Variants in CAVIN1 observed in about 807,000 individuals in gnomAD.
CAVIN1 encodes caveolae associated protein 1.
In CAVIN1, 16 loss-of-function variants were observed where a neutral mutation model predicts 24.0. The ratio of observed to expected loss-of-function variants is 0.67; its 90% CI spans 0.45 to 1.01. The LOEUF is 1.01. CAVIN1 is among the 50% of genes least tolerant of loss of function. CAVIN1 has a pLI of 0.00. For synonymous variants in CAVIN1, 256 were observed against 256.4 expected (o/e 1.00, Z 0.02); for missense variants, 510 against 551.7 (o/e 0.92, Z 0.76).
At chr17:42,417,279 C>T (rs1389429995) in intron 1 of CAVIN1, among the ~76,000 whole-genome samples, 1 of 151,994 alleles carries the variant, frequency 6.6e-6, no homozygotes, top group Non-Finnish European at 1.5e-5. Context: ...CATGGTGAAA[C>T]CCTGTCTCTA....
rs1181667379 is a variant in CAVIN1 at position 42,405,209 on chromosome 17, G to A, written c.651C>T (p.Arg217=). Reference sequence around the variant, plus strand: ...GGCCGCTGCGCTTGATACGCTCTGCGCGGGACTCCTCAATAACCTCCTCAA... The same window carrying A: ...GGCCGCTGCGCTTGATACGCTCTGCACGGGACTCCTCAATAACCTCCTCAA... ...VEVEEVIEES[R]AERIKRSGLR... is the part of the protein sequence containing the mutation. The change falls in exon 2 of 2, where the codon CGC becomes CGT. Residue 217 remains arginine (R), a synonymous_variant. Coordinates refer to ENST00000357037, the MANE Select transcript of CAVIN1 (RefSeq NM_012232.6). 1 of 1,613,974 alleles carries A rather than the reference G, an allele frequency of 6.2e-7. No individual in the cohort carries two copies. The highest frequency in any genetic ancestry group is 2.2e-5 in the East Asian group (1 of 44,848).
chr17:42,413,566 GAAAAAAAAAAAAAAAA>G lies in CAVIN1; in HGVS notation c.472-8194_472-8179del, dbSNP rs60085741. On this transcript the variant is annotated intron_variant, in intron 1 of 1. Transcript: ENST00000357037. ...AGAGCAAAAGTCTGTCTCAAAAAGGGAAAAAAAAAAAAAAAAAAAAAAAAAAAAAAAAAGAGGTCCC... is the reference window on the plus strand; with the variant it reads ...AGAGCAAAAGTCTGTCTCAAAAAGGGAAAAAAAAAAAAAAAAAGAGGTCCC... 9.7e-4 allele frequency among the ~76,000 whole-genome samples: 55 copies of G among 56,980 alleles called. 1 individual carries two copies. The highest frequency in any genetic ancestry group is 8.3e-3 in the Admixed American group (32 of 3,844). 37.4% of individuals were successfully genotyped at this position (56,980 alleles called of 152,430 possible). A position where few individuals can be genotyped will look rare whatever the true frequency, so the allele number is the denominator to read the frequency against.
intron 1 of CAVIN1, among the ~76,000 whole-genome samples, chr17:42,422,051 G>T (rs1193291164): frequency 6.6e-6 from 1 of 152,218 alleles, no homozygotes; most frequent in Non-Finnish European, 1.5e-5. Flanking sequence ...CGATGTGGGG[G>T]CGCGGGGGCG....
chr17:42,414,310 G>A (rs929111332), intron 1 of CAVIN1, among the ~76,000 whole-genome samples: 5 of 152,050 alleles, frequency 3.3e-5, no homozygotes, highest in African/African-American at 9.7e-5. Flanking sequence ...CTTTGGCCAC[G>A]TCCCCACCTT....
intron 1 of CAVIN1, among the ~76,000 whole-genome samples, chr17:42,414,990 C>T (rs1419471289): frequency 6.6e-6 from 1 of 151,672 alleles, no homozygotes; most frequent in African/African-American, 2.4e-5. Flanking sequence ...TCTCCCCTCC[C>T]ACTGTCACCA....
At chr17:42,406,916 T>C (rs925626025) in intron 1 of CAVIN1, among the ~76,000 whole-genome samples, 1 of 151,996 alleles carries the variant, frequency 6.6e-6, no homozygotes, top group Non-Finnish European at 1.5e-5. Context: ...AGAAGAGAGA[T>C]TACTTTTCAA....
chr17:42,415,797 A>G (rs1445390008), intron 1 of CAVIN1, among the ~76,000 whole-genome samples: 1 of 152,154 alleles, frequency 6.6e-6, no homozygotes, highest in Non-Finnish European at 1.5e-5. Flanking sequence ...ATGATGAAAT[A>G]TTCACAATGT....
chr17:42,417,515 T>C (rs1457495792), intron 1 of CAVIN1, among the ~76,000 whole-genome samples: 1 of 150,808 alleles, frequency 6.6e-6, no homozygotes, highest in Non-Finnish European at 1.5e-5. Context: ...CCTAATAACA[T>C]TGTAGCCATC....
At chr17:42,417,227 G>A (rs2085517409) in intron 1 of CAVIN1, among the ~76,000 whole-genome samples, 1 of 152,188 alleles carries the variant, frequency 6.6e-6, no homozygotes. Context: ...GCCAAGGCAG[G>A]TGGATTGCTT....
chr17:42,404,239 T>G lies in CAVIN1; in HGVS notation c.*448A>C. 6.4e-6 allele frequency: 1 copy of G among 155,434 alleles called. No homozygotes were observed. The highest frequency in any genetic ancestry group is 1.4e-5 in the Non-Finnish European group (1 of 70,236). 9.6% of individuals were successfully genotyped at this position (155,434 alleles called of 1,614,324 possible). ...CCTCCCATGGGGGCAGGGATCCCCT[T>G]TAGGATTCAATCTTTCCTCTTTGGG... is the stretch of plus-strand genomic sequence containing the variant. On this transcript the variant is annotated 3_prime_UTR_variant, in exon 2 of 2. Coordinates refer to ENST00000357037, the MANE Select transcript of CAVIN1 (RefSeq NM_012232.6).
chr17:42,412,322 G>A, intron 1 of CAVIN1: 1 of 982,672 alleles, frequency 1.0e-6, no homozygotes, highest in Non-Finnish European at 1.2e-6. Context: ...AAGGGCCTTG[G>A]TGGCATGCAG....
chr17:42,405,875 C>A (rs2085443689), intron 1 of CAVIN1, among the ~76,000 whole-genome samples: 1 of 151,228 alleles, frequency 6.6e-6, no homozygotes, highest in Non-Finnish European at 1.5e-5. Context: ...TTAATAGAGA[C>A]GGTGTTTCTC....
At chr17:42,412,742 C>T (rs375941811) in intron 1 of CAVIN1, among the ~76,000 whole-genome samples, 12 of 151,980 alleles carry the variant, frequency 7.9e-5, no homozygotes, top group African/African-American at 2.7e-4. Context: ...CTCAGCCTCC[C>T]GAATAGCTGG....
intron 1 of CAVIN1, among the ~76,000 whole-genome samples, chr17:42,412,684 C>T (rs2085486945): frequency 6.6e-6 from 1 of 151,864 alleles, no homozygotes; most frequent in South Asian, 2.1e-4. Flanking sequence ...GTGGCACGAT[C>T]TTGGCTCACT....
At position 42,422,862 on chromosome 17, in the gene CAVIN1, T is replaced by A. The variant is rs1236113493; in HGVS notation, c.236A>T (p.Gln79Leu). ...QLTQAQLEER[Q>L]AEMEGAVQSI... ...CTGCACTGCGCCCTCCATCTCCGCC[T>A]GCCGCTCCTCCAGCTGTGCTTGAGT... is the stretch of plus-strand genomic sequence containing the variant. Residue 79 changes from glutamine to leucine, a missense_variant, in exon 1 of 2, where the codon CAG (glutamine) becomes CTG (leucine). Coordinates refer to ENST00000357037, the MANE Select transcript of CAVIN1 (RefSeq NM_012232.6). 9.9e-6 allele frequency: 16 copies of A among 1,613,952 alleles called. No individual in the cohort carries two copies. The highest frequency in any genetic ancestry group is 1.4e-5 in the Non-Finnish European group (16 of 1,180,020).
In CAVIN1 at chr17:42,402,920, G is replaced by T; in HGVS notation, c.*1767C>A. The T allele has an allele frequency of 6.6e-6, 1 of 152,304 alleles. No individual in the cohort carries two copies. 9.4% of individuals were successfully genotyped at this position (152,304 alleles called of 1,614,324 possible). ...ACTCGTGTCTTGAGAACCTGGTCGT[G>T]TCTTGAGAACCCAGTCCAAACAGAA... On this transcript the variant is annotated 3_prime_UTR_variant, in exon 2 of 2. Transcript: ENST00000357037.
In CAVIN1 at chr17:42,405,347, C is replaced by A. The variant is rs763073267; in HGVS notation, c.513G>T (p.Ser171=). ...KLPAKLSISK[S]LKESEALPEK... The stretch of plus-strand genomic sequence containing the variant: ...CTGGCAGCGCCTCCGACTCTTTCAG[C>A]GATTTGCTGATGCTCAGTTTGGCCG... The change falls in exon 2 of 2, where the codon TCG becomes TCT. Residue 171 remains serine (S), a synonymous_variant. Coordinates refer to ENST00000357037, the MANE Select transcript of CAVIN1 (RefSeq NM_012232.6). The A allele has an allele frequency of 6.8e-6, 11 of 1,608,696 alleles. No individual in the cohort carries two copies. The South Asian group carries it at 8.8e-5, about 13-fold the overall frequency.
rs7210713 is a variant in CAVIN1, at chr17:42,402,983, G to C, written c.*1704C>G. On this transcript the variant is annotated 3_prime_UTR_variant, in exon 2 of 2. Coordinates refer to ENST00000357037, the MANE Select transcript of CAVIN1 (RefSeq NM_012232.6). ...ACTGGGAGCAACACTCCCTTCACCC[G>C]CAAAGATTCAGGAAAAGCACCCCAA... 128,826 of 152,446 alleles carry C rather than the reference G, an allele frequency of 0.85. 55,443 individuals carry two copies. The highest frequency in any genetic ancestry group is 0.99 in the East Asian group (5,131 of 5,188). The allele number at this position is 152,446 out of a possible 1,614,324, so 9.4% of individuals were successfully genotyped here. A position where few individuals can be genotyped will look rare whatever the true frequency, so the allele number is the denominator to read the frequency against.
chr17:42,407,460 C>T (rs1018402341), intron 1 of CAVIN1, among the ~76,000 whole-genome samples: 2 of 152,066 alleles, frequency 1.3e-5, no homozygotes, highest in Non-Finnish European at 2.9e-5. Flanking sequence ...CTTCCCCAGC[C>T]CCCAACCTCT....
Sources: allele counts gnomAD v4.1 joint callset (sites outside exome capture counted in the v4.1 genomes callset), GRCh38; gene constraint gnomAD v4.1.1; transcripts MANE v1.5; gene names NCBI Gene and HGNC (gene_info 2026-07-23, HGNC 2026-07-21).